Variants in ANKMY1 observed in about 807,000 individuals in gnomAD.
ANKMY1 encodes ankyrin repeat and MYND domain-containing protein 1.
A neutral mutation model predicts 102.0 loss-of-function variants in ANKMY1; 98 were observed. That is an observed-to-expected ratio of 0.96 (90% CI 0.82 to 1.14). The LOEUF (loss-of-function observed/expected upper bound fraction) is 1.14, where lower values mean the gene tolerates loss of function less well. Ranked by LOEUF, ANKMY1 falls within the 50% of genes most tolerant of loss-of-function variation. The probability of loss-of-function intolerance (pLI) is 0.00; values close to 1 mark genes in which losing one functional copy is unlikely to be tolerated. For missense variants in ANKMY1, 1,330 were observed against 1,347.6 expected (o/e 0.99, Z 0.20); for synonymous variants, 582 against 559.9 (o/e 1.04, Z -0.56).
At chr2:240,471,363 A>T in the ANKMY1 span, among the ~76,000 whole-genome samples, 1 of 150,510 alleles carries the variant, frequency 6.6e-6, no homozygotes, top group African/African-American at 2.5e-5. Flanking sequence ...GGTTCAAGCG[A>T]TTCTCCTGCC....
chr2:240,546,555 C>T (rs2090417176), intron 4 of ANKMY1, among the ~76,000 whole-genome samples: 1 of 152,144 alleles, frequency 6.6e-6, no homozygotes, highest in Admixed American at 6.5e-5. Context: ...AATTAAAAGA[C>T]ACAGACTGGC....
At chr2:240,507,023 T>C (rs572269568) in intron 13 of ANKMY1, among the ~76,000 whole-genome samples, 1 of 152,140 alleles carries the variant, frequency 6.6e-6, no homozygotes, top group East Asian at 1.9e-4. Flanking sequence ...AAAGCCAGAA[T>C]TGTGCAGCTG....
intron 2 of ANKMY1, chr2:240,555,270 G>A: frequency 1.7e-6 from 1 of 587,910 alleles, no homozygotes; most frequent in Non-Finnish European, 3.0e-6. Context: ...TGCACAGTAA[G>A]GCTGCCAACG....
downstream of ANKMY1, among the ~76,000 whole-genome samples, chr2:240,478,996 G>T (rs1370050411): frequency 6.6e-6 from 1 of 152,084 alleles, no homozygotes; most frequent in Non-Finnish European, 1.5e-5. Flanking sequence ...GGCCACCCTC[G>T]AAGGCAACAC....
intron 4 of ANKMY1, among the ~76,000 whole-genome samples, chr2:240,549,502 A>G (rs2125033883): frequency 6.6e-6 from 1 of 152,352 alleles, no homozygotes; most frequent in Admixed American, 6.5e-5. Context: ...ACAAAAGCCA[A>G]AATTGACAAA....
chr2:240,481,149 C>T, intron 16 of ANKMY1, 52 bp from the exon 17 acceptor site: 1 of 1,575,782 alleles, frequency 6.3e-7, no homozygotes, highest in South Asian at 1.2e-5. Flanking sequence ...CCTGCTTCCC[C>T]ACAAACAGCC....
At chr2:240,532,132 G>T (rs1469751474) in intron 4 of ANKMY1, 3 of 467,342 alleles carry the variant, frequency 6.4e-6, no homozygotes, top group Non-Finnish European at 1.3e-5. Flanking sequence ...ACATCACATT[G>T]AAACTGTAGA....
intron 15 of ANKMY1, among the ~76,000 whole-genome samples, chr2:240,495,968 C>T (rs892048131): frequency 2.0e-5 from 3 of 152,186 alleles, no homozygotes; most frequent in Non-Finnish European, 2.9e-5. Context: ...GGATAATGTA[C>T]TTTGAGTGTG....
intron 4 of ANKMY1, among the ~76,000 whole-genome samples, chr2:240,533,287 T>C (rs2085886576): frequency 6.6e-6 from 1 of 151,986 alleles, no homozygotes; most frequent in South Asian, 2.1e-4. Context: ...AAGAAATGTA[T>C]AACAGGTGGA....
At chr2:240,478,032 C>T (rs2074971497), downstream of ANKMY1, among the ~76,000 whole-genome samples, 1 of 152,156 alleles carries the variant, frequency 6.6e-6, no homozygotes, top group Non-Finnish European at 1.5e-5. Context: ...GGGCAGACTT[C>T]CCCATCTGGT....
chr2:240,492,619 T>C (rs1179902058), intron 15 of ANKMY1, among the ~76,000 whole-genome samples: 2 of 152,212 alleles, frequency 1.3e-5, no homozygotes, highest in Non-Finnish European at 2.9e-5. Context: ...TCCTGAATTG[T>C]TTTTCTAATT....
At chr2:240,485,652 T>C (rs1377650675) in intron 15 of ANKMY1, among the ~76,000 whole-genome samples, 2 of 151,970 alleles carry the variant, frequency 1.3e-5, no homozygotes, top group South Asian at 2.1e-4. Context: ...TGCAGTGGCA[T>C]GATAGTGGCT....
chr2:240,556,755 C>T (rs951129384), intron 2 of ANKMY1, among the ~76,000 whole-genome samples: 2 of 152,186 alleles, frequency 1.3e-5, no homozygotes, highest in Non-Finnish European at 2.9e-5. Context: ...ACACCCATCA[C>T]ACTGGGCCAG....
intron 4 of ANKMY1, among the ~76,000 whole-genome samples, chr2:240,544,493 G>A (rs72998094): frequency 0.086 from 13,026 of 152,176 alleles, 709 homozygotes; most frequent in Non-Finnish European, 0.12. Context: ...CTTACTCTTG[G>A]GGGGGGAGGA....
At chr2:240,515,472 C>G (rs2081035346) in intron 9 of ANKMY1, among the ~76,000 whole-genome samples, 1 of 151,922 alleles carries the variant, frequency 6.6e-6, no homozygotes, top group South Asian at 2.1e-4. Flanking sequence ...GAGGCGGAGG[C>G]TGCAGTGAGC....
At chr2:240,492,586 CTT>C (rs2076774416) in intron 15 of ANKMY1, among the ~76,000 whole-genome samples, 1 of 152,008 alleles carries the variant, frequency 6.6e-6, no homozygotes, top group South Asian at 2.1e-4. Flanking sequence ...TAAAATGTCT[CTT>C]TGATAAATTT....
Position 240,500,544 on chromosome 2 carries a change from C to T in ANKMY1, c.2548G>A (p.Gly850Arg), listed in dbSNP as rs761700595. 43 of 1,614,002 alleles carry T rather than the reference C, an allele frequency of 2.7e-5. No homozygotes were observed. The highest frequency in any genetic ancestry group is 3.4e-5 in the Non-Finnish European group (40 of 1,179,998). The change falls in exon 14 of 18, where the codon GGG becomes AGG. Residue 850 changes from glycine to arginine, a missense_variant. By Grantham distance (125) the Gly-to-Arg change is moderately radical (BLOSUM62 -2). Transcript: ENST00000401804. Reference protein sequence around the residue: ...LALIDRLISHGADILKPVMLR... With the variant: ...LALIDRLISHRADILKPVMLR... Reference sequence around the variant, plus strand: ...ATTACAGGCTTCAGGATGTCGGCCCCGTGACTGATGAGTCGGTCAATCTGT... The same window carrying T: ...ATTACAGGCTTCAGGATGTCGGCCCTGTGACTGATGAGTCGGTCAATCTGT...
intron 15 of ANKMY1, among the ~76,000 whole-genome samples, chr2:240,491,099 T>G (rs1485568414): frequency 6.6e-6 from 1 of 152,002 alleles, no homozygotes; most frequent in East Asian, 1.9e-4. Context: ...GTCTTTTTTT[T>G]TTTTTTTTTA....
chr2:240,523,608 C>G lies in ANKMY1; in HGVS notation c.1832+277G>C, dbSNP rs1013765312. 4 of 524,046 alleles carry G rather than the reference C, an allele frequency of 7.6e-6. No homozygotes were observed. In the African/African-American group the frequency reaches 7.6e-5, roughly 10 times the overall value. 32.5% of individuals were successfully genotyped at this position (524,046 alleles called of 1,614,324 possible). A position where few individuals can be genotyped will look rare whatever the true frequency, so the allele number is the denominator to read the frequency against. On this transcript the variant is annotated intron_variant, in intron 8 of 17. Coordinates refer to ENST00000401804, the MANE Select transcript of ANKMY1 (RefSeq NM_001282771.3). ...CCACAGAGACACTTCAGGCCAGTGC[C>G]AAAGGCCAAAGCAGGGCTGGCGTGG...
Sources: gnomAD v4.1 joint callset for allele counts (sites outside exome capture counted in the v4.1 genomes callset) on GRCh38, gnomAD v4.1.1 for gene constraint, MANE v1.5 for transcripts, NCBI Gene and HGNC (gene_info 2026-07-23, HGNC 2026-07-21) for gene names.